ANKIB1: variants seen among roughly 807,000 people sequenced by gnomAD.
ANKIB1 encodes the protein ankyrin repeat and IBR domain containing 1.
A neutral mutation model predicts 122.1 loss-of-function variants in ANKIB1; 43 were observed. The observed-to-expected ratio is 0.35, with a 90% CI of 0.28 to 0.45. ANKIB1 has a LOEUF of 0.45. Among genes scored for constraint, ANKIB1 ranks in the 20% least tolerant of loss-of-function variants. The pLI is 1.00. For synonymous variants in ANKIB1, 390 were observed against 442.0 expected (o/e 0.88, Z 1.48); for missense variants, 992 against 1,329.5 (o/e 0.75, Z 3.95).
intron 5 of ANKIB1, 119 bp from the exon 6 acceptor site, chr7:92,342,905 A>G: frequency 2.5e-6 from 2 of 788,200 alleles, no homozygotes; most frequent in Non-Finnish European, 4.2e-6. Flanking sequence ...TACTACTTTT[A>G]TATACTTTTT....
At chr7:92,374,149 G>A (rs766363124) in intron 11 of ANKIB1, among the ~76,000 whole-genome samples, 4 of 152,060 alleles carry the variant, frequency 2.6e-5, no homozygotes, top group Non-Finnish European at 5.9e-5. Flanking sequence ...ATAGAAAATA[G>A]TACAAATAAT....
chr7:92,366,704 G>C (rs1430399660), intron 10 of ANKIB1, among the ~76,000 whole-genome samples: 1 of 151,992 alleles, frequency 6.6e-6, no homozygotes, highest in Non-Finnish European at 1.5e-5. Context: ...TTTTGCCTGT[G>C]GTCTAATTAG....
chr7:92,304,834 C>A (rs994681311), intron 2 of ANKIB1, among the ~76,000 whole-genome samples: 4 of 151,916 alleles, frequency 2.6e-5, no homozygotes, highest in African/African-American at 9.7e-5. Context: ...TATATTTTAA[C>A]TATTAAGCAA....
intron 3 of ANKIB1, among the ~76,000 whole-genome samples, chr7:92,312,269 T>G (rs1439313171): frequency 6.6e-6 from 1 of 152,230 alleles, no homozygotes; most frequent in Non-Finnish European, 1.5e-5. Flanking sequence ...TTATTCTAAA[T>G]TATTTGTGAG....
At chr7:92,348,038 T>G (rs989033774) in intron 7 of ANKIB1, 2 of 433,272 alleles carry the variant, frequency 4.6e-6, no homozygotes, top group Non-Finnish European at 9.1e-6. Context: ...CCCAGATTTC[T>G]CTCTTTTAGT....
In ANKIB1 at chr7:92,251,478, C is replaced by T. The variant is rs539591111; in HGVS notation, c.-91+4959C>T. ...TATCACTAGATGTTCTATATCACAT[C>T]TTTATTTTCAGATGAAAAAAATCAT... On this transcript the variant is annotated intron_variant, in intron 1 of 19. Transcript: ENST00000265742. 1.1e-3 allele frequency among the ~76,000 whole-genome samples: 163 copies of T among 152,262 alleles called. 1 individual carries two copies. The highest frequency in any genetic ancestry group is 2.0e-3 in the Non-Finnish European group (136 of 68,012).
At chr7:92,290,125 C>T (rs868235902) in intron 1 of ANKIB1, among the ~76,000 whole-genome samples, 4 of 152,160 alleles carry the variant, frequency 2.6e-5, no homozygotes, top group African/African-American at 9.7e-5. Context: ...CCCATCCTCT[C>T]CTTTTCTTGA....
intron 1 of ANKIB1, among the ~76,000 whole-genome samples, chr7:92,257,758 C>A (rs1341059958): frequency 1.3e-5 from 2 of 152,214 alleles, no homozygotes; most frequent in Non-Finnish European, 2.9e-5. Context: ...CGCCATTGTG[C>A]TCCAGCCTGG....
rs557209996 is a variant in ANKIB1, at chr7:92,245,995, C to T, written c.-615C>T. 2 of 235,620 alleles carry T rather than the reference C, an allele frequency of 8.5e-6. No individual in the cohort carries two copies. The highest frequency in any genetic ancestry group is 6.4e-5 in the Admixed American group (1 of 15,702). The allele number at this position is 235,620 out of a possible 1,614,324, so 14.6% of individuals were successfully genotyped here. ...TTCCGGGTCGGCGGCCGGGCTGCTGCCGTTCCTGCTCCTTTTCACTGGACC... is the reference window on the plus strand; with the variant it reads ...TTCCGGGTCGGCGGCCGGGCTGCTGTCGTTCCTGCTCCTTTTCACTGGACC... On this transcript the variant is annotated 5_prime_UTR_variant, in exon 1 of 20. Transcript: ENST00000265742.
rs1804931344 is a variant in ANKIB1, at chr7:92,397,738, G to A, written c.2411G>A (p.Gly804Asp). The change falls in exon 19 of 20, where the codon GGC becomes GAC. Residue 804 changes from glycine (G) to aspartate (D), a missense_variant. By Grantham distance (94) the Gly-to-Asp change is moderately conservative. This residue lies in a region of ANKIB1 where 384 missense variants were observed against 412.0 expected (regional missense o/e 0.93). Transcript: ENST00000265742. ...SESTLDIPEG[G>D]SSSRRPGTSV... ...TTTGAAACAGATATTCCAGAAGGCG[G>A]CAGCAGCAGCCGCAGGCCTGGCACA... 6.2e-7 allele frequency: 1 copy of A among 1,611,470 alleles called. No individual in the cohort carries two copies. The highest frequency in any genetic ancestry group is 8.5e-7 in the Non-Finnish European group (1 of 1,179,100).
At chr7:92,327,503 A>G (rs949463622) in intron 4 of ANKIB1, among the ~76,000 whole-genome samples, 3 of 152,232 alleles carry the variant, frequency 2.0e-5, no homozygotes, top group African/African-American at 7.2e-5. Flanking sequence ...TATACTTTAA[A>G]TCATCTCTAG....
At chr7:92,358,972 C>T (rs1803884530) in intron 9 of ANKIB1, among the ~76,000 whole-genome samples, 1 of 152,162 alleles carries the variant, frequency 6.6e-6, no homozygotes, top group South Asian at 2.1e-4. Context: ...CTGATGTCTG[C>T]TAGCATGTGC....
At chr7:92,264,382 T>C (rs1174820138) in intron 1 of ANKIB1, among the ~76,000 whole-genome samples, 1 of 152,040 alleles carries the variant, frequency 6.6e-6, no homozygotes, top group African/African-American at 2.4e-5. Flanking sequence ...CAATCTTTCA[T>C]TTGTCAATAA....
intron 10 of ANKIB1, among the ~76,000 whole-genome samples, chr7:92,363,739 T>G (rs545091611): frequency 6.6e-6 from 1 of 152,328 alleles, no homozygotes; most frequent in East Asian, 1.9e-4. Context: ...TTGTATTATA[T>G]CAGGGGATTT....
intron 1 of ANKIB1, among the ~76,000 whole-genome samples, chr7:92,256,251 G>A (rs1801443322): frequency 6.6e-6 from 1 of 152,172 alleles, no homozygotes; most frequent in Admixed American, 6.5e-5. Flanking sequence ...ATGAATCCTG[G>A]TCTTAGCAGG....
intron 6 of ANKIB1, among the ~76,000 whole-genome samples, chr7:92,344,120 T>C (rs142343515): frequency 5.8e-4 from 88 of 152,178 alleles, no homozygotes; most frequent in African/African-American, 2.0e-3. Context: ...GCAAAAGTGA[T>C]TGCAGCTTTT....
intron 1 of ANKIB1, among the ~76,000 whole-genome samples, chr7:92,255,926 A>C (rs945042743): frequency 6.6e-6 from 1 of 152,192 alleles, no homozygotes; most frequent in Non-Finnish European, 1.5e-5. Flanking sequence ...AGGGGTATAA[A>C]ACTGAATATG....
chr7:92,375,237 T>C (rs1307463476), intron 11 of ANKIB1, among the ~76,000 whole-genome samples: 1 of 152,196 alleles, frequency 6.6e-6, no homozygotes, highest in African/African-American at 2.4e-5. Context: ...TGGTGGTTGC[T>C]GAAGGTTGAG....
chr7:92,356,757 G>A (rs1049956990), intron 9 of ANKIB1, among the ~76,000 whole-genome samples: 1 of 152,186 alleles, frequency 6.6e-6, no homozygotes, highest in African/African-American at 2.4e-5. Flanking sequence ...TCAAATTTTA[G>A]CTTATCCACT....
Sources: gnomAD v4.1 joint callset for allele counts (sites outside exome capture counted in the v4.1 genomes callset) on GRCh38, gnomAD v4.1.1 for gene constraint, gnomAD v4.1.1 regional missense constraint, MANE v1.5 for transcripts, NCBI Gene and HGNC (gene_info 2026-07-23, HGNC 2026-07-21) for gene names.